UMAD1: variants seen among roughly 807,000 people sequenced by gnomAD.
UMAD1 encodes UBAP1-MVB12-associated (UMA)-domain containing protein 1.
Under a neutral mutation model 6.1 loss-of-function variants are expected in UMAD1, and 8 were observed. That is an observed-to-expected ratio of 1.30 (90% CI 0.76 to 2.35). UMAD1 has a LOEUF of 2.35. Ranked by LOEUF, UMAD1 falls within the 30% of genes most tolerant of loss-of-function variation. The pLI is 0.00. For missense variants in UMAD1, 130 were observed against 78.4 expected (o/e 1.66, Z -2.49); for synonymous variants, 56 against 31.4 (o/e 1.78, Z -2.61).
At chr7:7,756,276 C>A (rs115023324) in intron 2 of UMAD1, among the ~76,000 whole-genome samples, 1 of 151,924 alleles carries the variant, frequency 6.6e-6, no homozygotes, top group Non-Finnish European at 1.5e-5. Flanking sequence ...GGTGAATTGA[C>A]CAAAAAAGAG....
At chr7:7,868,167 TC>T (rs1784267120) in intron 3 of UMAD1, among the ~76,000 whole-genome samples, 1 of 152,162 alleles carries the variant, frequency 6.6e-6, no homozygotes, top group Non-Finnish European at 1.5e-5. Context: ...TTTATGAATT[TC>T]TATAAAGCAA....
chr7:7,814,819 G>A (rs1443817698), intron 3 of UMAD1, among the ~76,000 whole-genome samples: 2 of 152,098 alleles, frequency 1.3e-5, no homozygotes, highest in African/African-American at 4.8e-5. Flanking sequence ...GGTGGAGTAT[G>A]GCAGTCAGCT....
At chr7:7,847,154 T>TATATATATATA (rs1783819541) in intron 3 of UMAD1, among the ~76,000 whole-genome samples, 1 of 107,522 alleles carries the variant, frequency 9.3e-6, no homozygotes, top group African/African-American at 3.7e-5. Flanking sequence ...TATATATATA[T>TATATATATATA]TTGATCATAA....
intron 2 of UMAD1, among the ~76,000 whole-genome samples, chr7:7,746,221 A>G (rs1246512333): frequency 2.0e-5 from 3 of 152,206 alleles, no homozygotes; most frequent in Non-Finnish European, 2.9e-5. Context: ...GAAACATGGT[A>G]AAAGCACAGT....
chr7:7,658,410 C>G (rs965803046), intron 1 of UMAD1, among the ~76,000 whole-genome samples: 2 of 152,160 alleles, frequency 1.3e-5, no homozygotes, highest in Non-Finnish European at 2.9e-5. Context: ...GGAATGCTTC[C>G]AGTTTTTGCC....
intron 1 of UMAD1, among the ~76,000 whole-genome samples, chr7:7,647,780 T>G (rs1317089490): frequency 6.6e-6 from 1 of 152,168 alleles, no homozygotes. Context: ...ATAAAATCTT[T>G]CTTTTGTAGA....
At chr7:7,790,917 T>C (rs548636341) in intron 2 of UMAD1, among the ~76,000 whole-genome samples, 5 of 152,174 alleles carry the variant, frequency 3.3e-5, no homozygotes, top group Non-Finnish European at 7.3e-5. Flanking sequence ...TACAGAATCT[T>C]GCTTGCTCTG....
At chr7:7,729,138 G>A (rs1781198384) in intron 2 of UMAD1, among the ~76,000 whole-genome samples, 1 of 152,182 alleles carries the variant, frequency 6.6e-6, no homozygotes, top group African/African-American at 2.4e-5. Flanking sequence ...GAGACTGAGG[G>A]AACAGCAATG....
chr7:7,682,472 G>T (rs1345557434), intron 2 of UMAD1, among the ~76,000 whole-genome samples: 1 of 151,926 alleles, frequency 6.6e-6, no homozygotes, highest in Non-Finnish European at 1.5e-5. Flanking sequence ...TCTCTTCATC[G>T]CTGTGTTGTT....
chr7:7,825,155 G>T (rs1583853342), intron 3 of UMAD1, among the ~76,000 whole-genome samples: 1 of 152,040 alleles, frequency 6.6e-6, no homozygotes, highest in East Asian at 1.9e-4. Flanking sequence ...TGGGCGCAGG[G>T]GGGAGTGTAA....
At chr7:7,660,012 T>C (rs1228213297) in intron 1 of UMAD1, among the ~76,000 whole-genome samples, 1 of 152,182 alleles carries the variant, frequency 6.6e-6, no homozygotes, top group Admixed American at 6.5e-5. Flanking sequence ...ATATTTAGGA[T>C]AGTTAGCTCT....
At chr7:7,780,000 C>T (rs375758420) in intron 2 of UMAD1, among the ~76,000 whole-genome samples, 1 of 152,224 alleles carries the variant, frequency 6.6e-6, no homozygotes, top group African/African-American at 2.4e-5. Context: ...GCTTTGTGTA[C>T]ATACAGTAGT....
At chr7:7,717,060 C>CTTTTTTTT (rs766644906) in intron 2 of UMAD1, among the ~76,000 whole-genome samples, 3 of 141,602 alleles carry the variant, frequency 2.1e-5, no homozygotes, top group Non-Finnish European at 3.1e-5. Context: ...TTCTTTTTTT[C>CTTTTTTTT]TTTTTTTTTT....
chr7:7,669,706 A>T (rs7777879), intron 1 of UMAD1, among the ~76,000 whole-genome samples: 140,747 of 152,242 alleles, frequency 0.92, 65,175 homozygotes, highest in African/African-American at 0.98. Context: ...GGACTGTAGT[A>T]GGGGAAGGAG....
At chr7:7,720,045 T>G (rs1781011944) in intron 2 of UMAD1, among the ~76,000 whole-genome samples, 1 of 152,168 alleles carries the variant, frequency 6.6e-6, no homozygotes, top group African/African-American at 2.4e-5. Flanking sequence ...TTGGTAAGCA[T>G]GAATAAAGCC....
chr7:7,654,869 A>T (rs1785304702), intron 1 of UMAD1, among the ~76,000 whole-genome samples: 1 of 149,570 alleles, frequency 6.7e-6, no homozygotes, highest in Non-Finnish European at 1.5e-5. Context: ...TGCCCCTGTA[A>T]CCCAGCCTGA....
intron 2 of UMAD1, among the ~76,000 whole-genome samples, chr7:7,780,654 CTGACTTCTAACAGCA>C (rs1465690222): frequency 1.3e-5 from 2 of 152,154 alleles, no homozygotes; most frequent in African/African-American, 4.8e-5. Context: ...CAAAGCAATC[CTGACTTCTAACAGCA>C]CAGATTGTTT....
intron 2 of UMAD1, among the ~76,000 whole-genome samples, chr7:7,792,628 A>C (rs1435197988): frequency 3.3e-5 from 5 of 152,222 alleles, no homozygotes; most frequent in African/African-American, 7.2e-5. Flanking sequence ...AATAAAGCCT[A>C]CCTCACAATG....
At chr7:7,702,599 A>G (rs1034317780) in intron 2 of UMAD1, among the ~76,000 whole-genome samples, 8 of 152,140 alleles carry the variant, frequency 5.3e-5, no homozygotes, top group Non-Finnish European at 1.5e-5. Context: ...TTTATTTTCA[A>G]ATGAACAGCC....
Sources: gnomAD v4.1 joint callset for allele counts (sites outside exome capture counted in the v4.1 genomes callset) on GRCh38, gnomAD v4.1.1 for gene constraint, MANE v1.5 for transcripts, NCBI Gene and HGNC (gene_info 2026-07-23, HGNC 2026-07-21) for gene names.